NRG3: variants seen among roughly 807,000 people sequenced by gnomAD.
NRG3 encodes the protein neuregulin 3, also known as pro-neuregulin-3, membrane-bound isoform.
NRG3 carries 31 observed loss-of-function variants against 66.9 expected under a neutral mutation model. The ratio of observed to expected loss-of-function variants is 0.46; its 90% CI spans 0.35 to 0.63. The LOEUF is 0.63. NRG3 is among the 20% of genes least tolerant of loss of function. The pLI, the probability that NRG3 is intolerant of heterozygous loss-of-function variation, is 0.00. For missense variants in NRG3, 910 were observed against 878.9 expected (o/e 1.04, Z -0.45); for synonymous variants, 393 against 359.4 (o/e 1.09, Z -1.06).
At chr10:82,267,713 T>C (rs1397024307) in intron 1 of NRG3, among the ~76,000 whole-genome samples, 1 of 152,208 alleles carries the variant, frequency 6.6e-6, no homozygotes, top group Admixed American at 6.5e-5. Flanking sequence ...ATTAGTTCTG[T>C]GCTGGATGAG....
At chr10:82,634,184 A>G (rs2050030039) in intron 2 of NRG3, among the ~76,000 whole-genome samples, 1 of 152,182 alleles carries the variant, frequency 6.6e-6, no homozygotes, top group South Asian at 2.1e-4. Context: ...AGCCATGTTC[A>G]AGGTAAAAGT....
At chr10:82,436,900 G>C (rs932968272) in intron 2 of NRG3, among the ~76,000 whole-genome samples, 2 of 152,176 alleles carry the variant, frequency 1.3e-5, no homozygotes, top group Non-Finnish European at 2.9e-5. Context: ...TCTGCTGAGA[G>C]GTTCACTGTT....
At chr10:82,463,018 A>G (rs1350195934) in intron 2 of NRG3, among the ~76,000 whole-genome samples, 1 of 152,164 alleles carries the variant, frequency 6.6e-6, no homozygotes, top group Non-Finnish European at 1.5e-5. Flanking sequence ...CACCTACTAG[A>G]AAGTCATATT....
chr10:82,665,924 C>T (rs182829432), intron 2 of NRG3, among the ~76,000 whole-genome samples: 1 of 152,214 alleles, frequency 6.6e-6, no homozygotes, highest in Admixed American at 6.5e-5. Context: ...TACAGTGGCG[C>T]GATCTCGGCT....
intron 3 of NRG3, among the ~76,000 whole-genome samples, chr10:82,819,943 C>T (rs936567395): frequency 1.3e-5 from 2 of 152,130 alleles, no homozygotes; most frequent in Admixed American, 1.3e-4. Flanking sequence ...GGCAGCAGTG[C>T]TCTGGGAGGG....
chr10:82,130,104 T>C (rs2068715294), intron 1 of NRG3, among the ~76,000 whole-genome samples: 2 of 152,098 alleles, frequency 1.3e-5, no homozygotes, highest in Non-Finnish European at 2.9e-5. Flanking sequence ...CATGCAAAGT[T>C]TGTCTTTCTG....
intron 1 of NRG3, among the ~76,000 whole-genome samples, chr10:82,180,047 G>T (rs2073307275): frequency 6.6e-6 from 1 of 151,212 alleles, no homozygotes; most frequent in South Asian, 2.1e-4. Context: ...ATTGTTCATT[G>T]TTAGTGTATA....
At chr10:82,437,042 T>C (rs1474468325) in intron 2 of NRG3, among the ~76,000 whole-genome samples, 1 of 152,144 alleles carries the variant, frequency 6.6e-6, no homozygotes, top group East Asian at 1.9e-4. Flanking sequence ...TAGAGTATCT[T>C]AGTGGTGTTC....
intron 1 of NRG3, among the ~76,000 whole-genome samples, chr10:82,008,008 T>G (rs947155855): frequency 2.0e-5 from 3 of 152,226 alleles, no homozygotes; most frequent in African/African-American, 7.2e-5. Context: ...TTTTATTTTA[T>G]TCAACAGATA....
At chr10:82,361,027 T>G (rs1564838381) in intron 2 of NRG3, among the ~76,000 whole-genome samples, 1 of 152,214 alleles carries the variant, frequency 6.6e-6, no homozygotes, top group Non-Finnish European at 1.5e-5. Context: ...TCTCCAAATA[T>G]GATCACATTC....
At chr10:82,757,322 T>A (rs543949250) in intron 3 of NRG3, among the ~76,000 whole-genome samples, 1 of 152,128 alleles carries the variant, frequency 6.6e-6, no homozygotes, top group Admixed American at 6.6e-5. Context: ...ACGTGTTGGG[T>A]TGGAGAGTGA....
chr10:82,728,199 A>C (rs1165486678), intron 2 of NRG3, among the ~76,000 whole-genome samples: 2 of 152,054 alleles, frequency 1.3e-5, no homozygotes, highest in African/African-American at 2.4e-5. Context: ...GACTGTAGGG[A>C]ACGCATGATT....
chr10:82,609,246 T>A (rs1004615701), intron 2 of NRG3, among the ~76,000 whole-genome samples: 2 of 152,226 alleles, frequency 1.3e-5, no homozygotes, highest in African/African-American at 4.8e-5. Context: ...TTGTTTGTAA[T>A]AATTTTGTAT....
chr10:82,849,826 T>TA (rs1160046688), intron 3 of NRG3, among the ~76,000 whole-genome samples: 1 of 152,120 alleles, frequency 6.6e-6, no homozygotes, highest in Non-Finnish European at 1.5e-5. Flanking sequence ...ACATAGATTG[T>TA]ATAGGTCCAT....
chr10:82,410,846 T>C lies in NRG3; in HGVS notation c.953+51978T>C, dbSNP rs72827401. On this transcript the variant is annotated intron_variant, in intron 2 of 8. Transcript: ENST00000372141. ...TAGCACTCTGGAATTAGTCTCATGA[T>C]AGCTGTGTGATTGTTTTCTCTCTCA... 1.7e-3 allele frequency among the ~76,000 whole-genome samples: 259 copies of C among 152,308 alleles called. 2 individuals are homozygous for C. The highest frequency in any genetic ancestry group is 3.1e-3 in the South Asian group (15 of 4,828).
chr10:82,927,923 TCA>T (rs1038535937), intron 4 of NRG3, among the ~76,000 whole-genome samples: 53 of 152,194 alleles, frequency 3.5e-4, no homozygotes, highest in African/African-American at 1.3e-3. Flanking sequence ...CACCACACTG[TCA>T]TCCACAATGG....
chr10:82,533,257 T>A (rs1185808560), intron 2 of NRG3, among the ~76,000 whole-genome samples: 1 of 152,130 alleles, frequency 6.6e-6, no homozygotes, highest in African/African-American at 2.4e-5. Context: ...GACTTTTCAT[T>A]GCTGATCATT....
At chr10:81,967,933 T>G (rs763462995) in intron 1 of NRG3, among the ~76,000 whole-genome samples, 1 of 152,252 alleles carries the variant, frequency 6.6e-6, no homozygotes. Context: ...TTGGACTTGC[T>G]CTTGGCAGCA....
At chr10:82,780,697 G>A (rs1259184755) in intron 3 of NRG3, among the ~76,000 whole-genome samples, 4 of 151,878 alleles carry the variant, frequency 2.6e-5, no homozygotes, top group Admixed American at 6.6e-5. Flanking sequence ...GTTTAATTTT[G>A]AGATACTATT....
Sources: allele counts gnomAD v4.1 joint callset (sites outside exome capture counted in the v4.1 genomes callset), GRCh38; gene constraint gnomAD v4.1.1; transcripts MANE v1.5; gene names NCBI Gene and HGNC (gene_info 2026-07-23, HGNC 2026-07-21).